CSGALNACT1: variants seen among roughly 807,000 people sequenced by gnomAD.
CSGALNACT1 encodes chondroitin sulfate N-acetylgalactosaminyltransferase 1, also known as beta4GalNAcT-1.
In CSGALNACT1, 52 loss-of-function variants were observed where a neutral mutation model predicts 51.0. The observed-to-expected ratio is 1.02, with a 90% CI of 0.82 to 1.29. CSGALNACT1 has a LOEUF of 1.29. Among genes scored for constraint, CSGALNACT1 ranks in the 50% most tolerant of loss-of-function variants. The probability of loss-of-function intolerance (pLI) is 0.00; values close to 1 mark genes in which losing one functional copy is unlikely to be tolerated. For missense variants in CSGALNACT1, 935 were observed against 679.2 expected (o/e 1.38, Z -4.19); for synonymous variants, 341 against 254.4 (o/e 1.34, Z -3.24).
At chr8:19,664,422 T>C (rs777781430) in intron 1 of CSGALNACT1, among the ~76,000 whole-genome samples, 2 of 152,118 alleles carry the variant, frequency 1.3e-5, no homozygotes, top group South Asian at 2.1e-4. Flanking sequence ...AGGAAGACAG[T>C]ATGGAGACTT....
At chr8:19,651,448 T>C (rs1177034219) in intron 1 of CSGALNACT1, among the ~76,000 whole-genome samples, 3 of 152,154 alleles carry the variant, frequency 2.0e-5, no homozygotes, top group Non-Finnish European at 2.9e-5. Flanking sequence ...CCAGTGTCTA[T>C]TGTTTCTATC....
intron 7 of CSGALNACT1, among the ~76,000 whole-genome samples, chr8:19,419,233 A>T (rs557353389): frequency 6.6e-6 from 1 of 152,328 alleles, no homozygotes; most frequent in African/African-American, 2.4e-5. Context: ...CATATCTGCA[A>T]ATATTTCTGA....
At chr8:19,657,546 C>G (rs1452311732) in intron 1 of CSGALNACT1, among the ~76,000 whole-genome samples, 1 of 152,166 alleles carries the variant, frequency 6.6e-6, no homozygotes, top group Admixed American at 6.5e-5. Context: ...GATGGATTAT[C>G]TTTAAAGGAA....
chr8:19,489,006 C>A (rs1372615992), intron 4 of CSGALNACT1, among the ~76,000 whole-genome samples: 1 of 152,024 alleles, frequency 6.6e-6, no homozygotes, highest in East Asian at 1.9e-4. Flanking sequence ...CAAGAAGAAA[C>A]AACGGCCCCC....
chr8:19,526,513 G>A (rs969902392), intron 3 of CSGALNACT1, among the ~76,000 whole-genome samples: 2 of 152,180 alleles, frequency 1.3e-5, no homozygotes, highest in African/African-American at 4.8e-5. Flanking sequence ...AACCTGGGAG[G>A]CGGAGGTTGC....
chr8:19,689,221 G>A (rs1295904148), intron 1 of CSGALNACT1, among the ~76,000 whole-genome samples: 1 of 152,060 alleles, frequency 6.6e-6, no homozygotes, highest in Non-Finnish European at 1.5e-5. Context: ...TCTCCACCTG[G>A]TTCTCCTGGA....
At chr8:19,729,562 G>A (rs1356895801) in intron 1 of CSGALNACT1, among the ~76,000 whole-genome samples, 3 of 152,188 alleles carry the variant, frequency 2.0e-5, no homozygotes, top group South Asian at 2.1e-4. Flanking sequence ...GGGCTAGTTA[G>A]AGTAGATACA....
intron 3 of CSGALNACT1, among the ~76,000 whole-genome samples, chr8:19,576,512 G>T (rs1270586036): frequency 6.6e-6 from 1 of 151,656 alleles, no homozygotes; most frequent in East Asian, 1.9e-4. Context: ...TCTTTCACAT[G>T]AACCTGCTGC....
intron 5 of CSGALNACT1, among the ~76,000 whole-genome samples, chr8:19,456,007 T>C (rs1392022126): frequency 9.2e-5 from 14 of 152,218 alleles, no homozygotes; most frequent in Non-Finnish European, 1.9e-4. Flanking sequence ...AAAGTCCATA[T>C]GGTGGGCTGA....
At chr8:19,616,071 A>C (rs1159809247) in intron 1 of CSGALNACT1, among the ~76,000 whole-genome samples, 1 of 152,240 alleles carries the variant, frequency 6.6e-6, no homozygotes, top group Admixed American at 6.5e-5. Flanking sequence ...CATTTAAAAA[A>C]AAGTTTTGAA....
chr8:19,674,667 G>A (rs182351998), intron 1 of CSGALNACT1, among the ~76,000 whole-genome samples: 4 of 152,102 alleles, frequency 2.6e-5, no homozygotes, highest in African/African-American at 9.7e-5. Context: ...GTGAAATAAA[G>A]CTTGACAGAA....
intron 4 of CSGALNACT1, among the ~76,000 whole-genome samples, chr8:19,466,444 C>A (rs903585034): frequency 6.6e-6 from 1 of 152,228 alleles, no homozygotes; most frequent in African/African-American, 2.4e-5. Context: ...CATAAACACA[C>A]ATTCTGCTTA....
At chr8:19,599,421 GAAGGAAGGA>G (rs1389929671) in intron 2 of CSGALNACT1, among the ~76,000 whole-genome samples, 106 of 141,364 alleles carry the variant, frequency 7.5e-4, no homozygotes, top group African/African-American at 2.8e-3. Context: ...AGAAAGGAAG[GAAGGAAGGA>G]AAGGAAGAAA....
intron 1 of CSGALNACT1, among the ~76,000 whole-genome samples, chr8:19,614,457 T>C (rs1477635382): frequency 6.8e-4 from 103 of 152,212 alleles, no homozygotes; most frequent in Non-Finnish European, 4.4e-5. Context: ...TTCAGTTTTC[T>C]AGTTTTCCTG....
At chr8:19,483,404 C>G (rs2071986274) in intron 4 of CSGALNACT1, among the ~76,000 whole-genome samples, 1 of 152,206 alleles carries the variant, frequency 6.6e-6, no homozygotes, top group Non-Finnish European at 1.5e-5. Context: ...ACCCCAAACT[C>G]AATGCTCCAG....
chr8:19,530,036 A>G (rs2082433298), intron 3 of CSGALNACT1, among the ~76,000 whole-genome samples: 1 of 152,110 alleles, frequency 6.6e-6, no homozygotes, highest in South Asian at 2.1e-4. Context: ...CCTGGTCAAC[A>G]TGATGAAACT....
At chr8:19,714,399 T>A (rs1387988950) in intron 1 of CSGALNACT1, among the ~76,000 whole-genome samples, 3 of 152,124 alleles carry the variant, frequency 2.0e-5, no homozygotes, top group Non-Finnish European at 4.4e-5. Context: ...TGTAATTTGG[T>A]GTCTGTCATT....
At chr8:19,422,632 G>A (rs2058127237) in intron 6 of CSGALNACT1, among the ~76,000 whole-genome samples, 1 of 152,214 alleles carries the variant, frequency 6.6e-6, no homozygotes, top group Non-Finnish European at 1.5e-5. Context: ...TTGAAGTTAT[G>A]CTCAAAACCT....
At chr8:19,539,596 A>G (rs1250974631) in intron 3 of CSGALNACT1, among the ~76,000 whole-genome samples, 4 of 152,352 alleles carry the variant, frequency 2.6e-5, no homozygotes, top group East Asian at 1.9e-4. Context: ...AATGCAACCA[A>G]GACTGTCCTG....
Sources: allele counts gnomAD v4.1 joint callset (sites outside exome capture counted in the v4.1 genomes callset), GRCh38; gene constraint gnomAD v4.1.1; transcripts MANE v1.5; gene names NCBI Gene and HGNC (gene_info 2026-07-23, HGNC 2026-07-21).